The following PIBF1 variants were observed in gnomAD, a reference collection of about 807,000 sequenced individuals.
PIBF1 encodes the protein progesterone-induced-blocking factor 1.
PIBF1 carries 90 observed loss-of-function variants against 112.5 expected under a neutral mutation model. That is an observed-to-expected ratio of 0.80 (90% CI 0.67 to 0.95). The LOEUF (loss-of-function observed/expected upper bound fraction) is 0.95. PIBF1 is among the 40% of genes least tolerant of loss of function. The pLI is 0.00. For synonymous variants in PIBF1, 301 were observed against 288.6 expected (o/e 1.04, Z -0.44); for missense variants, 915 against 852.3 (o/e 1.07, Z -0.92).
intron 13 of PIBF1, among the ~76,000 whole-genome samples, chr13:72,928,043 A>T (rs1269220282): frequency 1.4e-5 from 2 of 142,872 alleles, no homozygotes; most frequent in East Asian, 3.9e-4. Context: ...ATATATATAT[A>T]TACATATATA....
At chr13:72,942,957 T>A (rs2042051546) in intron 14 of PIBF1, among the ~76,000 whole-genome samples, 2 of 152,082 alleles carry the variant, frequency 1.3e-5, no homozygotes, top group South Asian at 4.2e-4. Context: ...GCCAAGATTG[T>A]GTCACTGCAC....
At chr13:72,947,744 C>T (rs1488989713) in intron 14 of PIBF1, among the ~76,000 whole-genome samples, 1 of 151,990 alleles carries the variant, frequency 6.6e-6, no homozygotes, top group Non-Finnish European at 1.5e-5. Context: ...GGGTATATAC[C>T]CAAAGGATTA....
intron 4 of PIBF1, among the ~76,000 whole-genome samples, chr13:72,796,246 G>C (rs192893425): frequency 6.6e-6 from 1 of 151,624 alleles, no homozygotes; most frequent in African/African-American, 2.4e-5. Flanking sequence ...AGAATGAAAC[G>C]GGGAAAAAAA....
rs776967051 is a variant in PIBF1, at chr13:72,998,831, G to A, written c.2059G>A (p.Ala687Thr). 1 of 1,610,238 alleles carries A rather than the reference G, an allele frequency of 6.2e-7. No individual in the cohort carries two copies. Among genetic ancestry groups the A allele is most frequent in the Non-Finnish European group, 8.5e-7 (1 of 1,178,038 alleles). The change falls in exon 17 of 18, where the codon GCA (alanine) becomes ACA (threonine). Residue 687 changes from alanine (A) to threonine (T), a missense_variant. Ala to Thr is a moderately conservative substitution (Grantham distance 58). Coordinates refer to ENST00000326291, the MANE Select transcript of PIBF1 (RefSeq NM_006346.4). The part of the protein sequence containing the change: ...QLLNHREELA[A>T]MKQILVKMHS... ...TTTCATATATCAACAGGAATTGGCA[G>A]CAATGAAACAGATTCTCGTTAAGAT...
At chr13:72,839,191 G>A (rs777155421) in intron 9 of PIBF1, among the ~76,000 whole-genome samples, 23 of 152,138 alleles carry the variant, frequency 1.5e-4, no homozygotes, top group Admixed American at 2.6e-4. Flanking sequence ...GATGAGAGGT[G>A]ATAATGGAAC....
At chr13:72,871,583 C>T (rs565535926) in intron 10 of PIBF1, among the ~76,000 whole-genome samples, 2 of 152,266 alleles carry the variant, frequency 1.3e-5, no homozygotes, top group East Asian at 1.9e-4. Flanking sequence ...AGATTACAGA[C>T]GTGAGCCTCC....
chr13:72,974,356 T>C (rs1304452590), intron 16 of PIBF1: 4 of 152,206 alleles, frequency 2.6e-5, no homozygotes, highest in Non-Finnish European at 4.4e-5. Flanking sequence ...TACCCCTTTT[T>C]AGCTGACCCT....
intron 14 of PIBF1, among the ~76,000 whole-genome samples, chr13:72,964,306 G>C (rs184767096): frequency 6.6e-6 from 1 of 152,316 alleles, no homozygotes; most frequent in East Asian, 1.9e-4. Flanking sequence ...CAGAAAGTAA[G>C]ATACAGGTTT....
intron 10 of PIBF1, among the ~76,000 whole-genome samples, chr13:72,890,960 T>C (rs1329013335): frequency 6.6e-6 from 1 of 152,156 alleles, no homozygotes; most frequent in African/African-American, 2.4e-5. Flanking sequence ...TCCTTTAGAA[T>C]TACCATTTCA....
At chr13:72,898,332 A>G (rs1215865315) in intron 11 of PIBF1, among the ~76,000 whole-genome samples, 4 of 152,022 alleles carry the variant, frequency 2.6e-5, no homozygotes, top group Non-Finnish European at 5.9e-5. Flanking sequence ...AGGAAAGTTG[A>G]TGGCCCTAAA....
chr13:72,878,479 A>G (rs960159079), intron 10 of PIBF1, among the ~76,000 whole-genome samples: 2 of 152,178 alleles, frequency 1.3e-5, no homozygotes. Context: ...TAGTTTAATT[A>G]CATTATGGTT....
At chr13:72,999,129 A>T (rs2043777177) in intron 17 of PIBF1, 134 bp downstream of exon 17, 1 of 582,546 alleles carries the variant, frequency 1.7e-6, no homozygotes. Flanking sequence ...ACCTTGAAGG[A>T]TTTGCATTAA....
At chr13:72,940,380 T>C (rs1383922843) in intron 14 of PIBF1, among the ~76,000 whole-genome samples, 1 of 152,152 alleles carries the variant, frequency 6.6e-6, no homozygotes, top group African/African-American at 2.4e-5. Context: ...GTCTTTTAGG[T>C]CTCTCCTTAA....
chr13:72,854,360 A>G (rs957991082), intron 10 of PIBF1, among the ~76,000 whole-genome samples: 1 of 152,122 alleles, frequency 6.6e-6, no homozygotes, highest in Admixed American at 6.5e-5. Context: ...TATTTTTACA[A>G]TATACAATTA....
chr13:72,873,546 G>A (rs1291430769), intron 10 of PIBF1, among the ~76,000 whole-genome samples: 1 of 152,124 alleles, frequency 6.6e-6, no homozygotes, highest in East Asian at 1.9e-4. Context: ...GGGATTTCAG[G>A]CATGCGTCGC....
chr13:72,964,881 C>T (rs9543186), intron 14 of PIBF1, among the ~76,000 whole-genome samples: 1 of 151,910 alleles, frequency 6.6e-6, no homozygotes, highest in African/African-American at 2.4e-5. Flanking sequence ...GGCCAACATG[C>T]TGAAACCCCA....
At chr13:72,918,145 A>T (rs992272672) in intron 13 of PIBF1, among the ~76,000 whole-genome samples, 1 of 152,102 alleles carries the variant, frequency 6.6e-6, no homozygotes, top group Non-Finnish European at 1.5e-5. Context: ...TACCACATCA[A>T]ATCCATCAAA....
chr13:72,782,615 T>G (rs1053299596), intron 1 of PIBF1, among the ~76,000 whole-genome samples: 3 of 152,230 alleles, frequency 2.0e-5, no homozygotes, highest in Admixed American at 6.5e-5. Context: ...AACTGAAATA[T>G]TTAATAGCAT....
chr13:72,988,063 A>G (rs947484024), intron 16 of PIBF1, among the ~76,000 whole-genome samples: 1 of 150,804 alleles, frequency 6.6e-6, no homozygotes, highest in Non-Finnish European at 1.5e-5. Flanking sequence ...GGGTTTCACC[A>G]TGCTGGCCAG....
Sources: gnomAD v4.1 joint callset for allele counts (sites outside exome capture counted in the v4.1 genomes callset) on GRCh38, gnomAD v4.1.1 for gene constraint, MANE v1.5 for transcripts, NCBI Gene and HGNC (gene_info 2026-07-23, HGNC 2026-07-21) for gene names.